Variants in TRPC5 observed in about 807,000 individuals in gnomAD.
TRPC5 encodes the protein transient receptor potential cation channel subfamily C member 5.
In TRPC5, 9 loss-of-function variants were observed where a neutral mutation model predicts 56.5. The observed-to-expected ratio is 0.16, with a 90% confidence interval of 0.10 to 0.28. The LOEUF is 0.28. Among genes scored for constraint, TRPC5 ranks in the 10% least tolerant of loss-of-function variants. TRPC5 has a pLI of 1.00. For missense variants in TRPC5, 469 were observed against 748.9 expected (o/e 0.63, Z 4.36); for synonymous variants, 282 against 278.5 (o/e 1.01, Z -0.13).
chrX:112,071,872 G>T (rs1283873388), intron 1 of TRPC5, among the ~76,000 whole-genome samples: 1 of 111,636 alleles, frequency 9.0e-6, no homozygotes, highest in Non-Finnish European at 1.9e-5. Flanking sequence ...AAATCCAATG[G>T]CTGCAGCTCT....
chrX:111,861,917 C>T (rs1483137370), intron 3 of TRPC5, among the ~76,000 whole-genome samples: 3 of 110,955 alleles, frequency 2.7e-5, no homozygotes, highest in Admixed American at 1.9e-4. Flanking sequence ...TTATTTAGTA[C>T]GCCAGATTTT....
chrX:111,803,132 TGTGATA>T (rs969560389), intron 7 of TRPC5, among the ~76,000 whole-genome samples: 4 of 111,478 alleles, frequency 3.6e-5, no homozygotes, highest in African/African-American at 9.8e-5. Context: ...TTTCTGTCTT[TGTGATA>T]GTTTGCTGAG....
At chrX:112,030,940 A>G (rs1929571748) in intron 1 of TRPC5, among the ~76,000 whole-genome samples, 2 of 111,403 alleles carry the variant, frequency 1.8e-5, no homozygotes, top group East Asian at 2.8e-4. Context: ...CTGCAGGGTT[A>G]TACATCTACA....
intron 1 of TRPC5, among the ~76,000 whole-genome samples, chrX:112,014,026 G>A (rs933345622): frequency 3.6e-5 from 4 of 112,108 alleles, no homozygotes; most frequent in Non-Finnish European, 5.6e-5. Context: ...CATCAGGGTT[G>A]CCTGAGAGAA....
At chrX:111,879,007 G>A (rs779788766) in intron 3 of TRPC5, among the ~76,000 whole-genome samples, 1 of 112,006 alleles carries the variant, frequency 8.9e-6, no homozygotes, top group Non-Finnish European at 1.9e-5. Context: ...CTTATGATCC[G>A]GAATATCAAA....
intron 1 of TRPC5, among the ~76,000 whole-genome samples, chrX:112,060,568 T>G (rs779948396): frequency 8.9e-6 from 1 of 112,143 alleles, no homozygotes; most frequent in South Asian, 3.7e-4. Flanking sequence ...AGGTTCTTTG[T>G]CAAAAACATT....
At chrX:111,814,611 A>G (rs1022988448) in intron 7 of TRPC5, among the ~76,000 whole-genome samples, 1 of 110,127 alleles carries the variant, frequency 9.1e-6, no homozygotes, top group Non-Finnish European at 1.9e-5. Context: ...CCAAACTCCA[A>G]GAGCCCCCTT....
At chrX:111,966,306 A>G (rs1415945259) in intron 1 of TRPC5, among the ~76,000 whole-genome samples, 4 of 111,965 alleles carry the variant, frequency 3.6e-5, no homozygotes, top group Non-Finnish European at 5.6e-5. Flanking sequence ...GAATAGACCA[A>G]TAACAGGATC....
chrX:111,918,631 A>T (rs1926041800), intron 2 of TRPC5, among the ~76,000 whole-genome samples: 1 of 111,279 alleles, frequency 9.0e-6, no homozygotes, highest in African/African-American at 3.3e-5. Context: ...GAAGTAGTTC[A>T]GGTGATTGCA....
At chrX:112,038,414 T>C (rs758578632) in intron 1 of TRPC5, among the ~76,000 whole-genome samples, 1 of 111,684 alleles carries the variant, frequency 9.0e-6, no homozygotes, top group African/African-American at 3.3e-5. Context: ...CCTCAGAACC[T>C]ATTACAGGCT....
intron 7 of TRPC5, among the ~76,000 whole-genome samples, chrX:111,785,816 T>A (rs1945958484): frequency 9.0e-6 from 1 of 111,505 alleles, no homozygotes; most frequent in Non-Finnish European, 1.9e-5. Context: ...AGGGTATCAG[T>A]GATTGAAGAT....
chrX:111,914,926 A>C (rs1164054810), intron 2 of TRPC5, among the ~76,000 whole-genome samples: 4 of 111,360 alleles, frequency 3.6e-5, no homozygotes, highest in Non-Finnish European at 5.6e-5. Flanking sequence ...AGGCAGAGGC[A>C]TTCCTCATCT....
intron 7 of TRPC5, among the ~76,000 whole-genome samples, chrX:111,829,077 G>A (rs1922323210): frequency 9.0e-6 from 1 of 110,783 alleles, no homozygotes; most frequent in Admixed American, 9.6e-5. Context: ...GCCAAGGTGG[G>A]TGGATCACGA....
At chrX:111,837,866 G>A (rs1922609612) in intron 6 of TRPC5, among the ~76,000 whole-genome samples, 1 of 98,502 alleles carries the variant, frequency 1.0e-5, no homozygotes, top group African/African-American at 3.9e-5. Flanking sequence ...GAACCCACGA[G>A]TTTGAGACCA....
chrX:111,993,654 G>C (rs1928430631), intron 1 of TRPC5, among the ~76,000 whole-genome samples: 1 of 112,533 alleles, frequency 8.9e-6, no homozygotes, highest in Admixed American at 9.4e-5. Context: ...GGTGACCAGT[G>C]ATGATGAGCA....
chrX:111,823,726 A>G (rs940149665), intron 7 of TRPC5, among the ~76,000 whole-genome samples: 4 of 110,830 alleles, frequency 3.6e-5, no homozygotes, highest in Non-Finnish European at 7.5e-5. Flanking sequence ...GTCCAGAACC[A>G]AGGGAAAGGC....
chrX:112,006,955 G>A (rs1015432949), intron 1 of TRPC5, among the ~76,000 whole-genome samples: 1 of 111,329 alleles, frequency 9.0e-6, no homozygotes, highest in African/African-American at 3.3e-5. Flanking sequence ...ATTAAACCAA[G>A]TGTGAGTACC....
chrX:111,789,175 C>T lies in TRPC5; in HGVS notation c.1897-7037G>A, dbSNP rs1049094983. 8.9e-5 allele frequency among the ~76,000 whole-genome samples: 10 copies of T among 111,777 alleles called. No individual in the cohort carries two copies. In the East Asian group the frequency reaches 2.8e-3, roughly 31 times the overall value. ...CCTGACTTCAAACTATACTACAAGGCCACTGTAACCAAAACAGCATGGTAC... is the reference window on the plus strand; with the variant it reads ...CCTGACTTCAAACTATACTACAAGGTCACTGTAACCAAAACAGCATGGTAC... On this transcript the variant is annotated intron_variant, in intron 7 of 10. Coordinates refer to ENST00000262839, the MANE Select transcript of TRPC5 (RefSeq NM_012471.3).
intron 2 of TRPC5, among the ~76,000 whole-genome samples, chrX:111,950,162 C>A (rs751622879): frequency 1.4e-4 from 15 of 110,185 alleles, no homozygotes; most frequent in Admixed American, 4.9e-4. Context: ...GTCTCTACTA[C>A]AAATACAAAA....
Sources: gnomAD v4.1 joint callset for allele counts (sites outside exome capture counted in the v4.1 genomes callset) on GRCh38, gnomAD v4.1.1 for gene constraint, MANE v1.5 for transcripts, NCBI Gene and HGNC (gene_info 2026-07-23, HGNC 2026-07-21) for gene names.